RBX1: variants seen among roughly 807,000 people sequenced by gnomAD.
RBX1 encodes the protein ring-box 1, also known as E3 ubiquitin-protein ligase RBX1.
For synonymous variants in RBX1, 48 were observed against 47.9 expected (o/e 1.00, Z -0.01); for missense variants, 46 against 141.4 (o/e 0.33, Z 3.42).
intron 4 of RBX1, among the ~76,000 whole-genome samples, chr22:40,970,575 C>T (rs1334882759): frequency 1.3e-5 from 2 of 152,080 alleles, no homozygotes; most frequent in East Asian, 3.9e-4. Flanking sequence ...TAAGATTGGG[C>T]AATTGTTCAT....
At chr22:40,961,967 TAG>T (rs1322260042) in intron 2 of RBX1, among the ~76,000 whole-genome samples, 5 of 152,122 alleles carry the variant, frequency 3.3e-5, no homozygotes, top group Admixed American at 6.6e-5. Flanking sequence ...GCCTTCTTAG[TAG>T]AGAGGGGGTT....
In RBX1 at chr22:40,967,804, T is replaced by A; in HGVS notation, c.234T>A (p.Ala78=). 6.2e-7 allele frequency: 1 copy of A among 1,613,350 alleles called. No individual in the cohort carries two copies. Among genetic ancestry groups the A allele is most frequent in the Non-Finnish European group, 8.5e-7 (1 of 1,179,380 alleles). Residue 78 remains alanine (A), a synonymous_variant, in exon 4 of 5, where the codon GCT becomes GCA. Coordinates refer to ENST00000216225, the MANE Select transcript of RBX1 (RefSeq NM_014248.4). ...AAATATATGTTTTCTTTCAGCATGC[T>A]TTTCACTTCCACTGCATCTCTCGCT... ...CTVAWGVCNH[A]FHFHCISRWL... is the part of the protein sequence containing the mutation.
chr22:40,963,720 G>A (rs937856089), intron 2 of RBX1, among the ~76,000 whole-genome samples: 2 of 151,964 alleles, frequency 1.3e-5, no homozygotes, highest in African/African-American at 2.4e-5. Context: ...GTGGTGGCAC[G>A]CACCTGTAGT....
intron 2 of RBX1, among the ~76,000 whole-genome samples, chr22:40,961,811 G>A (rs1454760945): frequency 1.3e-5 from 2 of 151,780 alleles, no homozygotes; most frequent in Non-Finnish European, 2.9e-5. Context: ...GTGTGTGTCA[G>A]CCTTACTCTG....
At position 40,972,596 on chromosome 22, in the gene RBX1, T is replaced by C; in HGVS notation, c.*108T>C. On this transcript the variant is annotated 3_prime_UTR_variant, in exon 5 of 5. Transcript: ENST00000216225. The stretch of plus-strand genomic sequence containing the variant: ...GGAACTGTGTTTTTTTCTGCTTTGT[T>C]TTTTCAGTTTGCTGTTTCTGTAGCC... The C allele has an allele frequency of 1.1e-6, 1 of 932,880 alleles. No individual in the cohort carries two copies. The allele number at this position is 932,880 out of a possible 1,614,324, so 57.8% of individuals were successfully genotyped here.
At chr22:40,969,992 C>G (rs780581721) in intron 4 of RBX1, among the ~76,000 whole-genome samples, 1 of 145,226 alleles carries the variant, frequency 6.9e-6, no homozygotes, top group Non-Finnish European at 1.5e-5. Context: ...GCCCAGGAGG[C>G]GGAGGTTGCA....
intron 4 of RBX1, among the ~76,000 whole-genome samples, chr22:40,969,501 A>G (rs1295316008): frequency 6.6e-6 from 1 of 152,058 alleles, no homozygotes; most frequent in Non-Finnish European, 1.5e-5. Context: ...TGTGATCCCA[A>G]CACTTTAGGA....
At chr22:40,955,130 T>G (rs2058321783) in intron 2 of RBX1, among the ~76,000 whole-genome samples, 1 of 152,210 alleles carries the variant, frequency 6.6e-6, no homozygotes, top group Non-Finnish European at 1.5e-5. Context: ...TTAGAGCCCT[T>G]AAATAGCCTA....
intron 2 of RBX1, among the ~76,000 whole-genome samples, chr22:40,963,461 C>T (rs2058346302): frequency 6.6e-6 from 1 of 151,908 alleles, no homozygotes; most frequent in Non-Finnish European, 1.5e-5. Flanking sequence ...CACGGAGAAA[C>T]CCCATCTCTA....
chr22:40,972,258 C>G (rs776612865), intron 4 of RBX1, among the ~76,000 whole-genome samples: 5 of 152,126 alleles, frequency 3.3e-5, no homozygotes, highest in African/African-American at 4.8e-5. Context: ...GAGAGCCTGT[C>G]CCTAAGAGGG....
intron 4 of RBX1, among the ~76,000 whole-genome samples, chr22:40,970,524 A>G (rs768835653): frequency 2.6e-5 from 4 of 152,174 alleles, no homozygotes; most frequent in Non-Finnish European, 5.9e-5. Flanking sequence ...CCACTCTGAT[A>G]GGTGACAATC....
chr22:40,968,697 C>T (rs1367153059), intron 4 of RBX1, among the ~76,000 whole-genome samples: 1 of 152,170 alleles, frequency 6.6e-6, no homozygotes, highest in African/African-American at 2.4e-5. Context: ...ACTGTAGGCC[C>T]CTGCTCCGGC....
chr22:40,951,428 G>T lies in RBX1; in HGVS notation c.30G>T (p.Pro10=), dbSNP rs2058309907. The T allele has an allele frequency of 1.2e-6, 2 of 1,613,618 alleles. No homozygotes were observed. The highest frequency in any genetic ancestry group is 3.3e-5 in the Admixed American group (2 of 60,008). Reference sequence around the variant, plus strand: ...CGGCAGCGATGGATGTGGATACCCCGAGCGGCACCAACAGCGGCGCGGGCA... The same window carrying T: ...CGGCAGCGATGGATGTGGATACCCCTAGCGGCACCAACAGCGGCGCGGGCA... MAAAMDVDT[P]SGTNSGAGKK... Residue 10 remains proline, a synonymous_variant, in exon 1 of 5, where the codon CCG becomes CCT. Coordinates refer to ENST00000216225, the MANE Select transcript of RBX1 (RefSeq NM_014248.4).
intron 2 of RBX1, among the ~76,000 whole-genome samples, chr22:40,961,635 A>T (rs2058340717): frequency 6.6e-6 from 1 of 151,566 alleles, no homozygotes; most frequent in Non-Finnish European, 1.5e-5. Flanking sequence ...CGATCTCCTG[A>T]CCTCGTGACC....
intron 2 of RBX1, among the ~76,000 whole-genome samples, chr22:40,956,332 T>G (rs1442487161): frequency 6.6e-6 from 1 of 152,008 alleles, no homozygotes; most frequent in African/African-American, 2.4e-5. Flanking sequence ...CCAATGAATA[T>G]ATCCTGAGCA....
In RBX1 at chr22:40,960,961, G is replaced by A. The variant is rs561801673; in HGVS notation, c.158-3086G>A. Reference sequence around the variant, plus strand: ...GTATTTTTAGAAGAGACAGAGTTTCGCCATGTTGGCCAGGCTGGTCTCGAA... The same window carrying A: ...GTATTTTTAGAAGAGACAGAGTTTCACCATGTTGGCCAGGCTGGTCTCGAA... On this transcript the variant is annotated intron_variant, in intron 2 of 4. Transcript: ENST00000216225. 5.0e-4 allele frequency among the ~76,000 whole-genome samples: 76 copies of A among 151,894 alleles called. 1 individual carries two copies. Among genetic ancestry groups the A allele is most frequent in the African/African-American group, 1.8e-3 (75 of 41,412 alleles).
chr22:40,962,834 A>T (rs2146301028), intron 2 of RBX1, among the ~76,000 whole-genome samples: 1 of 150,118 alleles, frequency 6.7e-6, no homozygotes, highest in Admixed American at 6.6e-5. Context: ...CTGGGACTAC[A>T]GGCACCCGCC....
intron 4 of RBX1, among the ~76,000 whole-genome samples, chr22:40,968,172 C>T (rs552440783): frequency 8.8e-5 from 13 of 147,270 alleles, no homozygotes; most frequent in South Asian, 8.6e-4. Flanking sequence ...CTCACTGCAA[C>T]GTCCACCTCC....
intron 1 of RBX1, among the ~76,000 whole-genome samples, chr22:40,952,983 CTTTTTTTTTT>C (rs34618218): frequency 9.2e-5 from 8 of 86,900 alleles, no homozygotes; most frequent in South Asian, 5.2e-4. Context: ...AGTTTGTGCC[CTTTTTTTTTT>C]TTTTTTTTTT....
Sources: allele counts gnomAD v4.1 joint callset (sites outside exome capture counted in the v4.1 genomes callset), GRCh38; gene constraint gnomAD v4.1.1; transcripts MANE v1.5; gene names NCBI Gene and HGNC (gene_info 2026-07-23, HGNC 2026-07-21).